UNC13C: variants seen among roughly 807,000 people sequenced by gnomAD.
UNC13C encodes the protein protein unc-13 homolog C.
A neutral mutation model predicts 245.4 loss-of-function variants in UNC13C; 174 were observed. The ratio of observed to expected loss-of-function variants is 0.71; its 90% CI spans 0.63 to 0.80. The LOEUF is 0.80. UNC13C is among the 30% of genes least tolerant of loss of function. The pLI, the probability that UNC13C is intolerant of heterozygous loss-of-function variation, is 0.00. For synonymous variants in UNC13C, 992 were observed against 895.1 expected (o/e 1.11, Z -1.93); for missense variants, 2,829 against 2,602.9 (o/e 1.09, Z -1.89).
chr15:54,098,440 G>T (rs781399499), intron 2 of UNC13C, among the ~76,000 whole-genome samples: 2 of 152,152 alleles, frequency 1.3e-5, no homozygotes, highest in Non-Finnish European at 2.9e-5. Flanking sequence ...CTCCCAAAGT[G>T]CTGGGATTAT....
rs1359973042 is a variant in UNC13C at position 54,567,937 on chromosome 15, A to G, written c.6096A>G (p.Gln2032=). ...DALIKKFIDT[Q]TSQSRSSKDA... Reference sequence around the variant, plus strand: ...TGATAAAGAAATTCATAGATACTCAAACCTCACAGAGTAAGTAACACATAG... The same window carrying G: ...TGATAAAGAAATTCATAGATACTCAGACCTCACAGAGTAAGTAACACATAG... Residue 2032 remains glutamine, a synonymous_variant, in exon 30 of 33, where the codon CAA becomes CAG. Transcript: ENST00000260323. The G allele has an allele frequency of 6.4e-7, 1 of 1,570,722 alleles. No homozygotes were observed.
At chr15:54,260,189 A>G (rs768403478) in intron 8 of UNC13C, among the ~76,000 whole-genome samples, 3 of 152,192 alleles carry the variant, frequency 2.0e-5, no homozygotes, top group Non-Finnish European at 4.4e-5. Context: ...TAGCTATGTC[A>G]ATGGTGATTG....
intron 1 of UNC13C, among the ~76,000 whole-genome samples, chr15:54,007,697 A>G (rs952153180): frequency 2.0e-5 from 3 of 152,216 alleles, no homozygotes; most frequent in Admixed American, 1.3e-4. Flanking sequence ...TGACAGGTGT[A>G]GCAAACCAGC....
the UNC13C span, among the ~76,000 whole-genome samples, chr15:53,900,511 C>G: frequency 6.6e-6 from 1 of 152,072 alleles, no homozygotes; most frequent in Non-Finnish European, 1.5e-5. Flanking sequence ...TGACAAATAG[C>G]GACTGCTGTT....
upstream of UNC13C, among the ~76,000 whole-genome samples, chr15:53,975,725 T>C (rs1232586281): frequency 1.3e-5 from 2 of 152,184 alleles, no homozygotes; most frequent in African/African-American, 4.8e-5. Flanking sequence ...ACCTGAACCA[T>C]AAATGAGACA....
At position 54,308,807 on chromosome 15, in the gene UNC13C, A is replaced by G. The variant is rs915279254; in HGVS notation, c.4268+8434A>G. Among the ~76,000 whole-genome samples, 3 of 151,618 alleles carry G rather than the reference A, an allele frequency of 2.0e-5. No homozygotes were observed. In the Admixed American group the frequency reaches 2.0e-4, roughly 10 times the overall value. On this transcript the variant is annotated intron_variant, in intron 13 of 32. Coordinates refer to ENST00000260323, the MANE Select transcript of UNC13C (RefSeq NM_001080534.3). ...TATTTCATTTAACATAATGTTCTCC[A>G]TGTTCATCCATGTTGTTGCAAATGA...
chr15:54,614,568 G>A (rs1331717731), intron 30 of UNC13C, among the ~76,000 whole-genome samples: 2 of 151,884 alleles, frequency 1.3e-5, no homozygotes, highest in African/African-American at 4.8e-5. Flanking sequence ...TAATTTTTCT[G>A]GGCTTTTGAA....
At chr15:54,056,294 C>T (rs558158912) in intron 2 of UNC13C, among the ~76,000 whole-genome samples, 9 of 152,070 alleles carry the variant, frequency 5.9e-5, no homozygotes, top group Non-Finnish European at 1.3e-4. Flanking sequence ...AACCATGGCA[C>T]GAGACCTACG....
At chr15:54,061,499 G>C (rs1897833019) in intron 2 of UNC13C, among the ~76,000 whole-genome samples, 1 of 152,142 alleles carries the variant, frequency 6.6e-6, no homozygotes. Flanking sequence ...TTGGGTTGGA[G>C]CACAAAGACC....
chr15:54,296,963 T>G (rs1197921714), intron 11 of UNC13C, among the ~76,000 whole-genome samples: 1 of 152,208 alleles, frequency 6.6e-6, no homozygotes, highest in Non-Finnish European at 1.5e-5. Flanking sequence ...TGACTATATG[T>G]TGTTTCCATT....
intron 4 of UNC13C, 113 bp from the exon 5 acceptor site, chr15:54,234,917 A>C (rs2035649113): frequency 1.1e-6 from 1 of 886,414 alleles, no homozygotes; most frequent in Admixed American, 2.7e-5. Context: ...TCGTTTGAAA[A>C]CTATGGTATC....
At chr15:54,529,430 A>G (rs1045432381) in intron 25 of UNC13C, among the ~76,000 whole-genome samples, 1 of 152,206 alleles carries the variant, frequency 6.6e-6, no homozygotes, top group Non-Finnish European at 1.5e-5. Flanking sequence ...ACTTAACAAG[A>G]TGTCAACTAA....
chr15:53,969,292 C>G, the UNC13C span, among the ~76,000 whole-genome samples: 1 of 152,132 alleles, frequency 6.6e-6, no homozygotes, highest in East Asian at 1.9e-4. Flanking sequence ...TGGTCATGCT[C>G]TAAGATGCTC....
chr15:54,284,706 TG>T (rs2140922399), intron 10 of UNC13C, among the ~76,000 whole-genome samples: 1 of 152,284 alleles, frequency 6.6e-6, no homozygotes, highest in East Asian at 1.9e-4. Context: ...TCTTCTTAAG[TG>T]GTCTCTCTTT....
the UNC13C span, among the ~76,000 whole-genome samples, chr15:53,883,582 A>C: frequency 6.6e-6 from 1 of 152,232 alleles, no homozygotes. Context: ...TACATAAATG[A>C]CAGAAATGAC....
intron 4 of UNC13C, among the ~76,000 whole-genome samples, chr15:54,159,771 T>C (rs563705911): frequency 9.2e-5 from 14 of 152,290 alleles, no homozygotes; most frequent in African/African-American, 2.6e-4. Context: ...CTAAGAAACA[T>C]GAGGGTTGTG....
rs1345588680 is a variant in UNC13C at position 54,567,895 on chromosome 15, C to T, written c.6054C>T (p.Thr2018=). The T allele has an allele frequency of 6.3e-7, 1 of 1,591,792 alleles. No individual in the cohort carries two copies. The highest frequency in any genetic ancestry group is 2.3e-5 in the East Asian group (1 of 44,334). Reference sequence around the variant, plus strand: ...TGAGATATGCTCTCAGTCTTTATACCCAAACTACTGATGCCTTGATAAAGA... The same window carrying T: ...TGAGATATGCTCTCAGTCTTTATACTCAAACTACTGATGCCTTGATAAAGA... ...QSLRYALSLY[T]QTTDALIKKF... Residue 2018 remains threonine (T), a synonymous_variant, in exon 30 of 33, where the codon ACC becomes ACT. Transcript: ENST00000260323.
At chr15:54,417,380 T>A (rs1444136752) in intron 19 of UNC13C, among the ~76,000 whole-genome samples, 1 of 152,178 alleles carries the variant, frequency 6.6e-6, no homozygotes, top group African/African-American at 2.4e-5. Flanking sequence ...TCTCCCCTTT[T>A]GTTTGAGTAG....
the UNC13C span, among the ~76,000 whole-genome samples, chr15:53,948,982 T>C: frequency 2.0e-5 from 3 of 152,216 alleles, no homozygotes; most frequent in Non-Finnish European, 2.9e-5. Flanking sequence ...TAATCTGTTA[T>C]AACTATTTAT....
Sources: allele counts gnomAD v4.1 joint callset (sites outside exome capture counted in the v4.1 genomes callset), GRCh38; gene constraint gnomAD v4.1.1; transcripts MANE v1.5; gene names NCBI Gene and HGNC (gene_info 2026-07-23, HGNC 2026-07-21).